The following FGF12 variants were observed in gnomAD, a reference collection of about 807,000 sequenced individuals.
FGF12 encodes the protein fibroblast growth factor 12B.
A neutral mutation model predicts 23.6 loss-of-function variants in FGF12; 14 were observed. That is an observed-to-expected ratio of 0.59 (90% confidence interval 0.39 to 0.93). FGF12 has a LOEUF of 0.93. Ranked by LOEUF, FGF12 falls within the 40% of genes least tolerant of loss-of-function variation. The pLI is 0.00. For missense variants in FGF12, 175 were observed against 217.8 expected, an observed-to-expected ratio of 0.80 and a Z score of 1.24; for synonymous variants, 62 against 77.3, an observed-to-expected ratio of 0.80 and a Z score of 1.04.
chr3:192,577,453 G>GTA (rs1263755817), intron 2 of FGF12, among the ~76,000 whole-genome samples: 2 of 152,146 alleles, frequency 1.3e-5, no homozygotes, highest in Non-Finnish European at 2.9e-5. Context: ...CTCACAAAGG[G>GTA]TATATGTAAC....
chr3:192,676,441 G>A (rs1717330217), intron 2 of FGF12, among the ~76,000 whole-genome samples: 1 of 152,216 alleles, frequency 6.6e-6, no homozygotes, highest in African/African-American at 2.4e-5. Context: ...TGGCAAATTA[G>A]AGGTAGACCT....
intron 5 of FGF12, among the ~76,000 whole-genome samples, chr3:192,158,563 C>T (rs1374157058): frequency 3.3e-5 from 4 of 121,466 alleles, no homozygotes; most frequent in African/African-American, 3.6e-5. Context: ...TCCCTCCCTC[C>T]CTTTCTTTCT....
At chr3:192,449,493 T>G (rs992264003) in intron 2 of FGF12, among the ~76,000 whole-genome samples, 4 of 152,190 alleles carry the variant, frequency 2.6e-5, no homozygotes, top group Non-Finnish European at 5.9e-5. Flanking sequence ...GGTAAGCTCC[T>G]GTGCACCTGC....
chr3:192,561,598 G>T (rs1409471548), intron 2 of FGF12, among the ~76,000 whole-genome samples: 1 of 152,100 alleles, frequency 6.6e-6, no homozygotes, highest in Non-Finnish European at 1.5e-5. Flanking sequence ...TCCTGACCTT[G>T]TGATCCGCCC....
chr3:192,551,999 A>C (rs951147164), intron 2 of FGF12, among the ~76,000 whole-genome samples: 20 of 152,196 alleles, frequency 1.3e-4, no homozygotes, highest in African/African-American at 4.6e-4. Flanking sequence ...ATATATGTAG[A>C]GATATAGATA....
chr3:192,312,957 AAATG>A (rs1716037165), intron 4 of FGF12, among the ~76,000 whole-genome samples: 1 of 152,184 alleles, frequency 6.6e-6, no homozygotes, highest in Admixed American at 6.5e-5. Flanking sequence ...GAACAAATTA[AAATG>A]AATGAATTCT....
Position 192,275,778 on chromosome 3 carries a change from G to A in FGF12, c.228+59583C>T, listed in dbSNP as rs142132026. Among the ~76,000 whole-genome samples the A allele has an allele frequency of 4.2e-3, 642 of 152,188 alleles. 5 individuals are homozygous for A. The highest frequency in any genetic ancestry group is 0.024 in the South Asian group (117 of 4,812). On this transcript the variant is annotated intron_variant, in intron 4 of 5. Coordinates refer to ENST00000445105, the MANE Select transcript of FGF12 (RefSeq NM_004113.6). Reference sequence around the variant, plus strand: ...TGAAGAAATATGAATGTCAAGCCACGGAATTTGGACTTTACTCATTGTTCT... The same window carrying A: ...TGAAGAAATATGAATGTCAAGCCACAGAATTTGGACTTTACTCATTGTTCT...
intron 2 of FGF12, among the ~76,000 whole-genome samples, chr3:192,512,136 T>C (rs1724495884): frequency 6.6e-6 from 1 of 152,178 alleles, no homozygotes; most frequent in African/African-American, 2.4e-5. Context: ...GCAGCTGGCA[T>C]AAAACTTTGT....
At chr3:192,621,690 C>CAAAAAAAAAAAA (rs5855441) in intron 2 of FGF12, among the ~76,000 whole-genome samples, 10 of 94,364 alleles carry the variant, frequency 1.1e-4, no homozygotes, top group Admixed American at 1.2e-4. Context: ...GATACAAATA[C>CAAAAAAAAAAAA]AAAAAAAAAA....
intron 2 of FGF12, among the ~76,000 whole-genome samples, chr3:192,623,754 A>C (rs1231324100): frequency 6.6e-6 from 1 of 152,172 alleles, no homozygotes. Context: ...CCAGAGACCA[A>C]GGAAGTCCAA....
At chr3:192,447,838 C>A (rs1722404576) in intron 2 of FGF12, among the ~76,000 whole-genome samples, 1 of 152,082 alleles carries the variant, frequency 6.6e-6, no homozygotes, top group Non-Finnish European at 1.5e-5. Flanking sequence ...ACATAGCTAC[C>A]ACGCAGATCA....
intron 2 of FGF12, among the ~76,000 whole-genome samples, chr3:192,492,078 T>C (rs533530189): frequency 1.3e-5 from 2 of 152,304 alleles, no homozygotes; most frequent in South Asian, 4.1e-4. Flanking sequence ...GGAATGTTTA[T>C]CTAGGTTTGT....
intron 2 of FGF12, among the ~76,000 whole-genome samples, chr3:192,632,369 T>TA (rs761822905): frequency 7.0e-4 from 107 of 152,308 alleles, no homozygotes; most frequent in Non-Finnish European, 1.2e-3. Flanking sequence ...TGCCAGAAAG[T>TA]AAAAATGCAT....
chr3:192,495,276 C>A (rs1482896454), intron 2 of FGF12, among the ~76,000 whole-genome samples: 2 of 152,166 alleles, frequency 1.3e-5, no homozygotes, highest in Non-Finnish European at 2.9e-5. Context: ...ACATTTATAT[C>A]TATGTATGCT....
intron 4 of FGF12, among the ~76,000 whole-genome samples, chr3:192,300,610 C>A (rs942029317): frequency 2.6e-5 from 4 of 151,182 alleles, no homozygotes; most frequent in African/African-American, 9.8e-5. Context: ...AATTCATTTT[C>A]TTTATAATGT....
At chr3:192,538,108 G>A (rs552374699) in intron 2 of FGF12, among the ~76,000 whole-genome samples, 21 of 151,774 alleles carry the variant, frequency 1.4e-4, no homozygotes, top group Non-Finnish European at 2.9e-4. Flanking sequence ...CACTGTGCCC[G>A]GCTAATTTTT....
intron 3 of FGF12, among the ~76,000 whole-genome samples, chr3:192,345,580 G>C (rs1395587077): frequency 2.2e-5 from 2 of 92,904 alleles, no homozygotes; most frequent in Non-Finnish European, 3.6e-5. Flanking sequence ...CCAGCTACTC[G>C]GGAGGCTGAG....
chr3:192,683,456 A>C (rs559881619), intron 2 of FGF12, among the ~76,000 whole-genome samples: 1 of 152,310 alleles, frequency 6.6e-6, no homozygotes, highest in African/African-American at 2.4e-5. Flanking sequence ...TGTGATTATA[A>C]GAGACTAGCT....
rs375320299 is a variant in FGF12, at chr3:192,158,572, CTCTT to C, written c.427+11882_427+11885del. Among the ~76,000 whole-genome samples the C allele has an allele frequency of 3.4e-3, 338 of 98,478 alleles. 1 individual carries two copies. The highest frequency in any genetic ancestry group is 0.012 in the African/African-American group (235 of 18,908). 64.6% of individuals were successfully genotyped at this position (98,478 alleles called of 152,430 possible). ...CCTCTCTCCCTCCCTCCCTTTCTTT[CTCTT>C]TCTTTCTTTCTTCTCGTCTTTCTCT... On this transcript the variant is annotated intron_variant, in intron 5 of 5. Transcript: ENST00000445105.
Sources: allele counts gnomAD v4.1 joint callset (sites outside exome capture counted in the v4.1 genomes callset), GRCh38; gene constraint gnomAD v4.1.1; transcripts MANE v1.5; gene names NCBI Gene and HGNC (gene_info 2026-07-23, HGNC 2026-07-21).